LEO1: variants seen among roughly 807,000 people sequenced by gnomAD.
LEO1 encodes LEO1 component of Paf1/RNA polymerase II complex.
LEO1 carries 34 observed loss-of-function variants against 80.4 expected under a neutral mutation model. That is an observed-to-expected ratio of 0.42 (90% CI 0.32 to 0.56). The LOEUF (loss-of-function observed/expected upper bound fraction) is 0.56. Among genes scored for constraint, LEO1 ranks in the 20% least tolerant of loss-of-function variants. LEO1 has a pLI of 0.10. For synonymous variants in LEO1, 262 were observed against 274.9 expected, an observed-to-expected ratio of 0.95 and a Z score of 0.46; for missense variants, 631 against 814.2, an observed-to-expected ratio of 0.77 and a Z score of 2.74.
intron 11 of LEO1, 167 bp downstream of exon 11, chr15:51,947,125 G>C: frequency 3.1e-6 from 2 of 639,036 alleles, no homozygotes; most frequent in Non-Finnish European, 5.6e-6. Flanking sequence ...ACAGGTATCA[G>C]ATCCTCCTCT....
chr15:51,957,683 T>A (rs535963037), intron 6 of LEO1, among the ~76,000 whole-genome samples: 17 of 152,248 alleles, frequency 1.1e-4, no homozygotes, highest in African/African-American at 3.4e-4. Flanking sequence ...AATATAAAAA[T>A]TCAGTGCCTA....
rs375775459 is a variant in LEO1 at position 51,960,059 on chromosome 15, G to A, written c.1015-15C>T. ...CCATTTTCATCCTAGTGAAAGAATC[G>A]GAAGTTTGGAGCTTGACAGGACCTT... On this transcript the variant is annotated splice_polypyrimidine_tract_variant and intron_variant, in intron 4 of 11. Transcript: ENST00000299601. 19 of 1,606,184 alleles carry A rather than the reference G, an allele frequency of 1.2e-5. No individual in the cohort carries two copies. The highest frequency in any genetic ancestry group is 3.4e-5 in the South Asian group (3 of 89,372).
At chr15:51,939,045 TGTG>T (rs1177403339) in intron 11 of LEO1, among the ~76,000 whole-genome samples, 2 of 151,966 alleles carry the variant, frequency 1.3e-5, no homozygotes, top group Non-Finnish European at 2.9e-5. Flanking sequence ...ATTAGCCAGG[TGTG>T]GTGGCGCACG....
intron 3 of LEO1, 119 bp from the exon 4 acceptor site, chr15:51,960,852 A>G (rs1183319696): frequency 3.1e-6 from 2 of 644,122 alleles, no homozygotes; most frequent in East Asian, 2.8e-5. Context: ...CACCAAAAAC[A>G]TAATGCTGAG....
At position 51,965,904 on chromosome 15, in the gene LEO1, G is replaced by C; in HGVS notation, c.659C>G (p.Ser220Cys). The change falls in exon 2 of 12, where the codon TCT becomes TGT. Residue 220 changes from serine to cysteine, a missense_variant. Coordinates refer to ENST00000299601, the MANE Select transcript of LEO1 (RefSeq NM_138792.4). The stretch of plus-strand genomic sequence containing the variant: ...ATTCTGTTTCTCATCATCATTATCA[G>C]AAGCTACCGGCCGTTCATCATCAGA... Reference protein sequence around the residue: ...ANSDDERPVASDNDDEKQNSD... With the variant: ...ANSDDERPVACDNDDEKQNSD... The C allele has an allele frequency of 6.2e-7, 1 of 1,614,024 alleles. No homozygotes were observed.
At chr15:51,940,422 G>C (rs188885042) in intron 11 of LEO1, among the ~76,000 whole-genome samples, 47 of 151,888 alleles carry the variant, frequency 3.1e-4, no homozygotes, top group Non-Finnish European at 5.3e-4. Flanking sequence ...TTAGCCAGGC[G>C]TGATGGCGGG....
intron 5 of LEO1, among the ~76,000 whole-genome samples, chr15:51,959,468 T>C (rs1057347610): frequency 5.3e-5 from 8 of 152,068 alleles, no homozygotes; most frequent in Non-Finnish European, 1.0e-4. Context: ...GGAAAAAAAA[T>C]TTTAAAAGCA....
intron 6 of LEO1, among the ~76,000 whole-genome samples, chr15:51,958,152 C>G (rs761888483): frequency 3.9e-5 from 6 of 152,102 alleles, no homozygotes; most frequent in South Asian, 2.1e-4. Context: ...TTGTGCAACT[C>G]AATTCTAAAA....
At chr15:51,945,828 A>T (rs2056895383) in intron 11 of LEO1, among the ~76,000 whole-genome samples, 1 of 152,032 alleles carries the variant, frequency 6.6e-6, no homozygotes, top group Non-Finnish European at 1.5e-5. Context: ...AGGTCAGGAG[A>T]TTGAGACCAT....
At chr15:51,941,416 A>T (rs2056851370) in intron 11 of LEO1, among the ~76,000 whole-genome samples, 1 of 152,216 alleles carries the variant, frequency 6.6e-6, no homozygotes, top group African/African-American at 2.4e-5. Context: ...GGGGAAATGG[A>T]GTCTCAAGAG....
chr15:51,962,039 C>T (rs1329251614), intron 3 of LEO1, among the ~76,000 whole-genome samples: 1 of 151,812 alleles, frequency 6.6e-6, no homozygotes, highest in East Asian at 1.9e-4. Context: ...TGGTACGTTC[C>T]TGTAATTCCA....
chr15:51,969,301 C>T (rs1335621664), intron 1 of LEO1, among the ~76,000 whole-genome samples: 1 of 151,654 alleles, frequency 6.6e-6, no homozygotes, highest in Non-Finnish European at 1.5e-5. Context: ...ATAGACATTT[C>T]TCCAAACAAA....
At chr15:51,955,467 G>A (rs1441192762) in intron 6 of LEO1, among the ~76,000 whole-genome samples, 1 of 152,148 alleles carries the variant, frequency 6.6e-6, no homozygotes, top group Non-Finnish European at 1.5e-5. Context: ...GTTGGCAAAT[G>A]AAAACCACTG....
In LEO1 at chr15:51,954,782, A is replaced by C. The variant is rs1005566199; in HGVS notation, c.1246-207T>G. The stretch of plus-strand genomic sequence containing the variant: ...GCAGGGAAAAAAATATGCTTAAGTG[A>C]ATTTCTGAGCTCCTAGAATCATAAT... On this transcript the variant is annotated intron_variant, in intron 6 of 11. Coordinates refer to ENST00000299601, the MANE Select transcript of LEO1 (RefSeq NM_138792.4). 4 of 536,724 alleles carry C rather than the reference A, an allele frequency of 7.5e-6. No individual in the cohort carries two copies. In the African/African-American group the frequency reaches 7.6e-5, roughly 10 times the overall value. 33.2% of individuals were successfully genotyped at this position (536,724 alleles called of 1,614,324 possible).
At chr15:51,947,258 A>AT in intron 11 of LEO1, 34 bp downstream of exon 11, 1 of 1,439,348 alleles carries the variant, frequency 6.9e-7, no homozygotes, top group Non-Finnish European at 9.8e-7. Flanking sequence ...TGAGTACAGG[A>AT]TAAACCCCTA....
Position 51,971,709 on chromosome 15 carries a change from C to T in LEO1, c.37G>A (p.Asp13Asn). Residue 13 changes from aspartate to asparagine, a missense_variant, in exon 1 of 12, where the codon GAC becomes AAC. By Grantham distance (23) the Asp-to-Asn change is conservative. This residue lies in a region of LEO1 where 394 missense variants were observed against 395.6 expected (regional missense o/e 1.00). Coordinates refer to ENST00000299601, the MANE Select transcript of LEO1 (RefSeq NM_138792.4). ...DMEDLFGSDA[D>N]SEAERKDSDS... ...CCACCTTTACGCTCAGCTTCGCTGTCGGCGTCGCTCCCGAAGAGATCCTCC... is the reference window on the plus strand; with the variant it reads ...CCACCTTTACGCTCAGCTTCGCTGTTGGCGTCGCTCCCGAAGAGATCCTCC... 2 of 1,614,196 alleles carry T rather than the reference C, an allele frequency of 1.2e-6. No individual in the cohort carries two copies. Among genetic ancestry groups the T allele is most frequent in the Non-Finnish European group, 1.7e-6 (2 of 1,180,048 alleles).
intron 2 of LEO1, 105 bp downstream of exon 2, chr15:51,965,644 G>C: frequency 6.9e-7 from 1 of 1,449,550 alleles, no homozygotes; most frequent in Non-Finnish European, 9.2e-7. Flanking sequence ...GGAGGGGACA[G>C]AAGAGAAAAA....
intron 3 of LEO1, among the ~76,000 whole-genome samples, chr15:51,961,479 G>T (rs2057030611): frequency 6.6e-6 from 1 of 151,906 alleles, no homozygotes; most frequent in African/African-American, 2.4e-5. Flanking sequence ...TGCAACCTCT[G>T]CCTCCCGAGC....
intron 1 of LEO1, among the ~76,000 whole-genome samples, chr15:51,969,740 G>T (rs1347215221): frequency 6.6e-6 from 1 of 151,456 alleles, no homozygotes; most frequent in Non-Finnish European, 1.5e-5. Flanking sequence ...TACTCGGGAG[G>T]TTAAGGCAGG....
Sources: gnomAD v4.1 joint callset for allele counts (sites outside exome capture counted in the v4.1 genomes callset) on GRCh38, gnomAD v4.1.1 for gene constraint, gnomAD v4.1.1 regional missense constraint, MANE v1.5 for transcripts, NCBI Gene and HGNC (gene_info 2026-07-23, HGNC 2026-07-21) for gene names.